The following TLK1 variants were observed in gnomAD, a reference collection of about 807,000 sequenced individuals.
TLK1 encodes tousled like kinase 1.
TLK1 carries 24 observed loss-of-function variants against 105.3 expected under a neutral mutation model. That is an observed-to-expected ratio of 0.23 (90% confidence interval 0.17 to 0.32). The LOEUF (loss-of-function observed/expected upper bound fraction) is 0.32, where lower values mean the gene tolerates loss of function less well. Ranked by LOEUF, TLK1 falls within the 10% of genes least tolerant of loss-of-function variation. The probability of loss-of-function intolerance (pLI) is 1.00; values close to 1 mark genes in which losing one functional copy is unlikely to be tolerated. For missense variants in TLK1, 558 were observed against 910.5 expected, an observed-to-expected ratio of 0.61 and a Z score of 4.98; for synonymous variants, 321 against 310.4, an observed-to-expected ratio of 1.03 and a Z score of -0.36.
intron 1 of TLK1, among the ~76,000 whole-genome samples, chr2:171,201,468 G>A (rs1693397259): frequency 1.3e-5 from 2 of 152,114 alleles, no homozygotes; most frequent in South Asian, 4.1e-4. Context: ...GGACAGCTGT[G>A]TCATGTATCC....
intron 1 of TLK1, among the ~76,000 whole-genome samples, chr2:171,157,216 C>T (rs180928071): frequency 1.3e-5 from 2 of 152,304 alleles, no homozygotes; most frequent in Admixed American, 1.3e-4. Flanking sequence ...TATAATCAAT[C>T]ATCTGATTCT....
rs893921457 is a variant in TLK1, at chr2:171,151,666, A to G, written c.139+8624T>C. ...ATTTTTTTGTATTTTTAGTAGAGACAGGGTTTCACCGTGTTAGCCAGGATG... is the reference window on the plus strand; with the variant it reads ...ATTTTTTTGTATTTTTAGTAGAGACGGGGTTTCACCGTGTTAGCCAGGATG... On this transcript the variant is annotated intron_variant, in intron 1 of 20. Transcript: ENST00000431350. Among the ~76,000 whole-genome samples the G allele has an allele frequency of 4.6e-5, 7 of 151,426 alleles. No homozygotes were observed. In the East Asian group the frequency reaches 7.8e-4, roughly 17 times the overall value.
chr2:171,181,937 T>C (rs1692935379), intron 1 of TLK1, among the ~76,000 whole-genome samples: 3 of 152,286 alleles, frequency 2.0e-5, no homozygotes, highest in African/African-American at 7.2e-5. Context: ...ACAATCCATC[T>C]CTTCGATCCT....
chr2:171,001,352 T>C (rs924603948), intron 18 of TLK1, among the ~76,000 whole-genome samples: 8 of 152,204 alleles, frequency 5.3e-5, no homozygotes, highest in Non-Finnish European at 1.2e-4. Flanking sequence ...CATGGGCTCC[T>C]AGGTGGCCAG....
chr2:171,136,040 C>T (rs766198425), intron 1 of TLK1, among the ~76,000 whole-genome samples: 1 of 152,164 alleles, frequency 6.6e-6, no homozygotes, highest in Non-Finnish European at 1.5e-5. Context: ...CAGCACTACT[C>T]ACGATACCCA....
In TLK1 at chr2:171,065,174, TAGAG is replaced by T. The variant is rs553684415; in HGVS notation, c.331-4022_331-4019del. 1.9e-3 allele frequency among the ~76,000 whole-genome samples: 286 copies of T among 152,200 alleles called. 3 individuals carry two copies. Among genetic ancestry groups the T allele is most frequent in the Admixed American group, 6.2e-3 (94 of 15,272 alleles). On this transcript the variant is annotated intron_variant, in intron 3 of 20. Coordinates refer to ENST00000431350, the MANE Select transcript of TLK1 (RefSeq NM_012290.5). ...ATAACCACCTGTATAAGCCTCAAAC[TAGAG>T]AGAGATTTAAAATTATGGAAATAAA... is the stretch of plus-strand genomic sequence containing the variant.
chr2:171,074,509 T>A (rs1420680391), intron 3 of TLK1, among the ~76,000 whole-genome samples: 1 of 151,426 alleles, frequency 6.6e-6, no homozygotes, highest in Non-Finnish European at 1.5e-5. Flanking sequence ...GTGCCTACAA[T>A]CCCAGCTACT....
chr2:171,029,016 T>C lies in TLK1; in HGVS notation c.1170-611A>G, dbSNP rs1054923139. On this transcript the variant is annotated intron_variant, in intron 11 of 20. Transcript: ENST00000431350. ...GGGAGTATATTCTAGACATGAGTTATAGAAAGTTCAAAACTCTAAGATGAA... is the reference window on the plus strand; with the variant it reads ...GGGAGTATATTCTAGACATGAGTTACAGAAAGTTCAAAACTCTAAGATGAA... Among the ~76,000 whole-genome samples, 13 of 152,144 alleles carry C rather than the reference T, an allele frequency of 8.5e-5. No individual in the cohort carries two copies. The East Asian group carries it at 1.2e-3, about 14-fold the overall frequency.
chr2:171,093,777 G>A (rs1427168674), intron 2 of TLK1, among the ~76,000 whole-genome samples: 1 of 152,162 alleles, frequency 6.6e-6, no homozygotes. Context: ...AATCTATGGG[G>A]AAGAATGTCT....
chr2:171,011,340 A>C (rs1350378291), intron 14 of TLK1, 33 bp downstream of exon 14: 1 of 1,558,080 alleles, frequency 6.4e-7, no homozygotes, highest in Non-Finnish European at 8.8e-7. Context: ...TTGCTACATT[A>C]GTGTAAAAAA....
chr2:171,133,943 C>T (rs1691205474), intron 1 of TLK1, among the ~76,000 whole-genome samples: 1 of 152,018 alleles, frequency 6.6e-6, no homozygotes, highest in African/African-American at 2.4e-5. Flanking sequence ...AAGCAATCCT[C>T]CCACCTTCTC....
chr2:171,122,323 A>G (rs903435967), intron 1 of TLK1, among the ~76,000 whole-genome samples: 13 of 152,246 alleles, frequency 8.5e-5, no homozygotes, highest in African/African-American at 2.9e-4. Context: ...TTCCTGGCAC[A>G]TAATAGGTGC....
intron 2 of TLK1, among the ~76,000 whole-genome samples, chr2:171,107,824 C>T (rs576423903): frequency 2.6e-5 from 4 of 152,088 alleles, no homozygotes; most frequent in East Asian, 3.9e-4. Context: ...TCTGGGAGGC[C>T]GACGTGGGCG....
intron 2 of TLK1, among the ~76,000 whole-genome samples, chr2:171,084,939 A>G (rs1440141647): frequency 2.6e-5 from 4 of 152,216 alleles, no homozygotes; most frequent in Non-Finnish European, 4.4e-5. Context: ...AGAAGGCAAA[A>G]AACAGGGACA....
chr2:171,112,424 T>A lies in TLK1; in HGVS notation c.258+5315A>T, dbSNP rs916695983. Among the ~76,000 whole-genome samples the A allele has an allele frequency of 9.2e-5, 14 of 152,340 alleles. No homozygotes were observed. The East Asian group carries it at 2.5e-3, about 27-fold the overall frequency. On this transcript the variant is annotated intron_variant, in intron 2 of 20. Coordinates refer to ENST00000431350, the MANE Select transcript of TLK1 (RefSeq NM_012290.5). The stretch of plus-strand genomic sequence containing the variant: ...ACTTTCATAAGTTCAAAACTATTTA[T>A]AATTTTTAAAACCAACAAAATCTCC...
chr2:171,034,297 G>A (rs1279260395), intron 11 of TLK1, among the ~76,000 whole-genome samples: 2 of 152,192 alleles, frequency 1.3e-5, no homozygotes, highest in African/African-American at 2.4e-5. Context: ...GTAGACAGGT[G>A]TTTATAGCAG....
chr2:171,089,181 A>G (rs55977320), intron 2 of TLK1, among the ~76,000 whole-genome samples: 11,589 of 152,238 alleles, frequency 0.076, 627 homozygotes, highest in Non-Finnish European at 0.11. Flanking sequence ...ATGAACATGA[A>G]TTGTGTGTCT....
chr2:171,157,938 T>C (rs1302707763), intron 1 of TLK1, among the ~76,000 whole-genome samples: 4 of 152,226 alleles, frequency 2.6e-5, no homozygotes, highest in African/African-American at 9.6e-5. Context: ...TCAAGTTCCA[T>C]TAATATTAAC....
intron 3 of TLK1, among the ~76,000 whole-genome samples, chr2:171,064,363 A>G (rs2105450727): frequency 6.6e-6 from 1 of 152,230 alleles, no homozygotes; most frequent in South Asian, 2.1e-4. Context: ...TCCAGATGAG[A>G]TTTCCTTTGA....
Sources: gnomAD v4.1 joint callset for allele counts (sites outside exome capture counted in the v4.1 genomes callset) on GRCh38, gnomAD v4.1.1 for gene constraint, MANE v1.5 for transcripts, NCBI Gene and HGNC (gene_info 2026-07-23, HGNC 2026-07-21) for gene names.